GAS2: variants seen among roughly 807,000 people sequenced by gnomAD.
The protein encoded by GAS2 is growth arrest-specific protein 2.
A neutral mutation model predicts 37.5 loss-of-function variants in GAS2; 20 were observed. The observed-to-expected ratio is 0.53, with a 90% CI of 0.37 to 0.77. The LOEUF (loss-of-function observed/expected upper bound fraction) is 0.77, where lower values mean the gene tolerates loss of function less well. Among genes scored for constraint, GAS2 ranks in the 30% least tolerant of loss-of-function variants. GAS2 has a pLI of 0.00. For missense variants in GAS2, 336 were observed against 373.4 expected (o/e 0.90, Z 0.82); for synonymous variants, 144 against 132.2 (o/e 1.09, Z -0.61).
chr11:22,758,673 G>A (rs1450399807), intron 7 of GAS2, among the ~76,000 whole-genome samples: 6 of 152,084 alleles, frequency 3.9e-5, no homozygotes, highest in African/African-American at 1.2e-4. Context: ...CAGCACTTTG[G>A]GAGGCCGAGG....
chr11:22,637,038 CTATT>C (rs1441293735), intron 1 of GAS2, among the ~76,000 whole-genome samples: 1 of 129,144 alleles, frequency 7.7e-6, no homozygotes, highest in African/African-American at 2.9e-5. Flanking sequence ...TTCTGGTTAT[CTATT>C]ATAATTGATA....
At chr11:22,717,197 A>T (rs1479590199) in intron 3 of GAS2, among the ~76,000 whole-genome samples, 1 of 152,210 alleles carries the variant, frequency 6.6e-6, no homozygotes, top group Non-Finnish European at 1.5e-5. Context: ...CCAAAGCAAG[A>T]CTAAGCAAAA....
intron 7 of GAS2, among the ~76,000 whole-genome samples, chr11:22,802,418 TG>T (rs1369358046): frequency 1.3e-5 from 2 of 151,338 alleles, no homozygotes; most frequent in Non-Finnish European, 2.9e-5. Flanking sequence ...GTAACAACCC[TG>T]CAGGTTGTGC....
At chr11:22,637,482 T>C in intron 1 of GAS2, among the ~76,000 whole-genome samples, 1 of 738 alleles carries the variant, frequency 1.4e-3, no homozygotes, top group Non-Finnish European at 2.9e-3. Flanking sequence ...CTTAATATAA[T>C]ATTAATTATA....
intron 1 of GAS2, among the ~76,000 whole-genome samples, chr11:22,638,415 G>A (rs1252247071): frequency 6.7e-6 from 1 of 150,070 alleles, no homozygotes; most frequent in African/African-American, 2.5e-5. Flanking sequence ...GCGTGATCTC[G>A]GCTCACTGCA....
intron 7 of GAS2, among the ~76,000 whole-genome samples, chr11:22,778,563 G>C (rs1467301307): frequency 6.6e-6 from 1 of 152,242 alleles, no homozygotes. Context: ...AAGGAGCCAG[G>C]CTTGCGAAGA....
chr11:22,628,264 A>G (rs370816495), intron 1 of GAS2, among the ~76,000 whole-genome samples: 228 of 152,328 alleles, frequency 1.5e-3, no homozygotes, highest in African/African-American at 5.2e-3. Context: ...GAATTTTGCT[A>G]TGAGAGACTA....
intron 1 of GAS2, among the ~76,000 whole-genome samples, chr11:22,628,631 G>T (rs1460782769): frequency 1.3e-5 from 2 of 152,072 alleles, no homozygotes; most frequent in Non-Finnish European, 2.9e-5. Context: ...TGCTTTAACA[G>T]AATTTTTTTT....
At chr11:22,723,804 AAAGTTT>A in intron 3 of GAS2, among the ~76,000 whole-genome samples, 1 of 152,006 alleles carries the variant, frequency 6.6e-6, no homozygotes, top group African/African-American at 2.4e-5. Flanking sequence ...ATGTCATAAA[AAAGTTT>A]TACCATCATC....
chr11:22,805,675 T>G (rs1475269450), intron 7 of GAS2, among the ~76,000 whole-genome samples: 1 of 152,018 alleles, frequency 6.6e-6, no homozygotes, highest in Non-Finnish European at 1.5e-5. Flanking sequence ...CTTGGATAAG[T>G]CCACAGAGTA....
intron 7 of GAS2, among the ~76,000 whole-genome samples, chr11:22,791,984 G>T (rs1856187188): frequency 6.6e-6 from 1 of 152,198 alleles, no homozygotes; most frequent in Non-Finnish European, 1.5e-5. Context: ...GTGTTTATCA[G>T]AAAACTCATA....
chr11:22,772,590 A>G (rs1590113779), intron 7 of GAS2, among the ~76,000 whole-genome samples: 1 of 152,124 alleles, frequency 6.6e-6, no homozygotes. Context: ...CATAGGCATC[A>G]TGGATTTTAT....
chr11:22,632,562 T>C (rs1858757914), intron 1 of GAS2, among the ~76,000 whole-genome samples: 1 of 152,132 alleles, frequency 6.6e-6, no homozygotes, highest in African/African-American at 2.4e-5. Context: ...TTCCCAGGAG[T>C]TGTTTGAGGT....
chr11:22,649,976 C>G (rs897115607), intron 1 of GAS2, among the ~76,000 whole-genome samples: 3 of 151,876 alleles, frequency 2.0e-5, no homozygotes, highest in South Asian at 2.1e-4. Flanking sequence ...AATGTGTTTG[C>G]TCTTGCTTTT....
At chr11:22,647,114 T>G (rs1848706234) in intron 1 of GAS2, among the ~76,000 whole-genome samples, 1 of 127,178 alleles carries the variant, frequency 7.9e-6, no homozygotes, top group Admixed American at 9.8e-5. Flanking sequence ...GATGTTCCCC[T>G]TCCTGTGTCC....
intron 3 of GAS2, among the ~76,000 whole-genome samples, chr11:22,687,181 G>T (rs754483687): frequency 6.6e-6 from 1 of 152,052 alleles, no homozygotes; most frequent in African/African-American, 2.4e-5. Flanking sequence ...AAAAAAGTTA[G>T]CAGGGAATGG....
chr11:22,719,464 T>C (rs940024243), intron 3 of GAS2, among the ~76,000 whole-genome samples: 5 of 152,082 alleles, frequency 3.3e-5, no homozygotes, highest in African/African-American at 1.2e-4. Flanking sequence ...TTGTTAACAG[T>C]CATTGAACCT....
chr11:22,807,405 T>C (rs1438004783), intron 7 of GAS2, among the ~76,000 whole-genome samples: 4 of 152,224 alleles, frequency 2.6e-5, no homozygotes, highest in African/African-American at 9.6e-5. Context: ...TTAAAGGAAG[T>C]TGCATCTGTT....
chr11:22,702,749 C>G (rs1850913935), intron 3 of GAS2: 1 of 152,074 alleles, frequency 6.6e-6, no homozygotes, highest in Non-Finnish European at 1.5e-5. Context: ...CTAATAAGGA[C>G]TTTGTGCTGA....
Sources: allele counts gnomAD v4.1 joint callset (sites outside exome capture counted in the v4.1 genomes callset), GRCh38; gene constraint gnomAD v4.1.1; transcripts MANE v1.5; gene names NCBI Gene and HGNC (gene_info 2026-07-23, HGNC 2026-07-21).